FLNB: variants seen among roughly 807,000 people sequenced by gnomAD.
FLNB encodes filamin-B.
A neutral mutation model predicts 250.6 loss-of-function variants in FLNB; 111 were observed. The observed-to-expected ratio is 0.44, with a 90% CI of 0.38 to 0.52. The LOEUF (loss-of-function observed/expected upper bound fraction) is 0.52. Among genes scored for constraint, FLNB ranks in the 20% least tolerant of loss-of-function variants. The pLI is 0.00. For missense variants in FLNB, 2,869 were observed against 3,447.8 expected, an observed-to-expected ratio of 0.83 and a Z score of 4.20; for synonymous variants, 1,302 against 1,372.1, an observed-to-expected ratio of 0.95 and a Z score of 1.13.
intron 1 of FLNB, among the ~76,000 whole-genome samples, chr3:58,031,543 C>CTTTTTT (rs764190111): frequency 6.5e-5 from 5 of 77,150 alleles, no homozygotes; most frequent in African/African-American, 2.3e-4. Context: ...CGTGCCCTGC[C>CTTTTTT]TTTTTTTTTT....
chr3:58,109,658 A>G lies in FLNB; in HGVS notation c.2282A>G (p.Glu761Gly). 6.2e-7 allele frequency: 1 copy of G among 1,614,136 alleles called. No individual in the cohort carries two copies. The highest frequency in any genetic ancestry group is 1.3e-5 in the African/African-American group (1 of 75,038). The change falls in exon 15 of 46, where the codon GAA (glutamate) becomes GGA (glycine). Residue 761 changes from glutamate to glycine, a missense_variant. By Grantham distance (98) the Glu-to-Gly change is moderately conservative. Coordinates refer to ENST00000295956, the MANE Select transcript of FLNB (RefSeq NM_001457.4). ...GVERSGLKANEPTHFTVDCTE... is the reference protein window; with the variant it reads ...GVERSGLKANGPTHFTVDCTE... Reference sequence around the variant, plus strand: ...GAGAGAAGTGGTCTGAAGGCAAATGAACCTACACACTTCACGGTGGACTGT... The same window carrying G: ...GAGAGAAGTGGTCTGAAGGCAAATGGACCTACACACTTCACGGTGGACTGT...
At chr3:58,083,215 T>G (rs1047864347) in intron 4 of FLNB, among the ~76,000 whole-genome samples, 3 of 151,122 alleles carry the variant, frequency 2.0e-5, no homozygotes, top group Admixed American at 6.6e-5. Flanking sequence ...TTAGACTCTT[T>G]TCATGCTAAA....
chr3:58,125,308 T>C (rs989946419), intron 22 of FLNB, among the ~76,000 whole-genome samples: 1 of 152,110 alleles, frequency 6.6e-6, no homozygotes, highest in Non-Finnish European at 1.5e-5. Flanking sequence ...AATTTTTGTA[T>C]TTTTTGTAGA....
chr3:58,082,154 A>T (rs1158298484), intron 4 of FLNB, among the ~76,000 whole-genome samples: 1 of 152,076 alleles, frequency 6.6e-6, no homozygotes. Context: ...CTTCTGTTAC[A>T]CTAAGCCTGC....
chr3:58,136,317 GT>G, intron 28 of FLNB, 149 bp downstream of exon 28: 1 of 751,518 alleles, frequency 1.3e-6, no homozygotes, highest in Non-Finnish European at 2.3e-6. Context: ...GAAGCTCTTT[GT>G]TTTTATTTGG....
Position 58,126,628 on chromosome 3 carries a change from TA to T in FLNB, c.4090del (p.Thr1364LeufsTer10). On this transcript the variant is annotated frameshift_variant, in exon 24 of 46. Coordinates refer to ENST00000295956, the MANE Select transcript of FLNB (RefSeq NM_001457.4). LOFTEE classifies it high-confidence loss of function. ...TRGAGIGGLG[I>X]TVEGPSESKI... ...GGCGCAGGAATTGGTGGGCTTGGCA[TA>T]ACTGTTGAGGGACCATCAGAGTCGA... The T allele has an allele frequency of 6.2e-7, 1 of 1,614,138 alleles. No individual in the cohort carries two copies. Among genetic ancestry groups the T allele is most frequent in the East Asian group, 2.2e-5 (1 of 44,888 alleles).
Position 58,168,465 on chromosome 3 carries a change from C to T in FLNB, c.7224C>T (p.Asn2408=). The part of the protein sequence containing the change: ...TTGIQSEFFI[N]TTRAGPGTLS... ...GTATCCAGTCGGAATTCTTTATTAA[C>T]ACCACCCGAGCAGGTCCAGGGACAT... Residue 2408 remains asparagine (N), a synonymous_variant, in exon 44 of 46, where the codon AAC becomes AAT. Coordinates refer to ENST00000295956, the MANE Select transcript of FLNB (RefSeq NM_001457.4). 1 of 1,614,122 alleles carries T rather than the reference C, an allele frequency of 6.2e-7. No individual in the cohort carries two copies. Among genetic ancestry groups the T allele is most frequent in the Non-Finnish European group, 8.5e-7 (1 of 1,179,916 alleles).
At chr3:58,125,926 G>C (rs1211788415) in intron 23 of FLNB, among the ~76,000 whole-genome samples, 183 bp downstream of exon 23, 2 of 152,192 alleles carry the variant, frequency 1.3e-5, no homozygotes, top group East Asian at 3.8e-4. Context: ...CAAAGCACTT[G>C]ATAATGGTCA....
chr3:58,050,044 T>C (rs1207312058), intron 1 of FLNB, among the ~76,000 whole-genome samples: 2 of 151,780 alleles, frequency 1.3e-5, no homozygotes, highest in African/African-American at 2.4e-5. Flanking sequence ...TTTTTCTTTT[T>C]TTTTGAGACA....
At chr3:58,045,410 T>C (rs2097152281) in intron 1 of FLNB, among the ~76,000 whole-genome samples, 1 of 152,180 alleles carries the variant, frequency 6.6e-6, no homozygotes, top group Non-Finnish European at 1.5e-5. Flanking sequence ...CCAGGACAGC[T>C]CTGAATGCGC....
intron 1 of FLNB, among the ~76,000 whole-genome samples, chr3:58,039,906 A>G (rs557933270): frequency 1.7e-3 from 266 of 152,206 alleles, no homozygotes; most frequent in Middle Eastern, 3.4e-3. Flanking sequence ...GCACTTTGGG[A>G]AGCTGAGGTG....
rs764368324 is a variant in FLNB at position 58,094,913 on chromosome 3, G to A, written c.865G>A (p.Val289Met). ...CACCATCAGCGCCGGGCAAGGAGACGTGATGGTGTTTGTTGAGGACCCAGA... is the reference window on the plus strand; with the variant it reads ...CACCATCAGCGCCGGGCAAGGAGACATGATGGTGTTTGTTGAGGACCCAGA... ...VDTISAGQGD[V>M]MVFVEDPEGN... The change falls in exon 5 of 46, where the codon GTG becomes ATG. Residue 289 changes from valine (V) to methionine (M), a missense_variant. Transcript: ENST00000295956. 2.6e-5 allele frequency: 42 copies of A among 1,614,034 alleles called. No homozygotes were observed. In the East Asian group the frequency reaches 2.7e-4, roughly 10 times the overall value.
chr3:58,042,331 T>G (rs373764669), intron 1 of FLNB, among the ~76,000 whole-genome samples: 39 of 151,262 alleles, frequency 2.6e-4, no homozygotes, highest in African/African-American at 9.3e-4. Flanking sequence ...TTTTAGGAGC[T>G]TTAGTCTCTG....
rs889037325 is a variant in FLNB at position 58,094,739 on chromosome 3, G to T, written c.788-97G>T. 30 of 1,001,978 alleles carry T rather than the reference G, an allele frequency of 3.0e-5. 1 individual carries two copies. The highest frequency in any genetic ancestry group is 4.9e-4 in the Middle Eastern group (2 of 4,056). 62.1% of individuals were successfully genotyped at this position (1,001,978 alleles called of 1,614,324 possible). On this transcript the variant is annotated intron_variant, in intron 4 of 45. Transcript: ENST00000295956. ...TTCCCACATGGGATCTGCAGGGCTG[G>T]GTCCCATCTCTCAGTTCCCTGAAAG...
chr3:58,069,535 C>T (rs112218630), intron 1 of FLNB, among the ~76,000 whole-genome samples: 3,513 of 152,214 alleles, frequency 0.023, 154 homozygotes, highest in African/African-American at 0.08. Context: ...GCCACCATGC[C>T]CGGCCCATAG....
rs1326644324 is a variant in FLNB, at chr3:58,171,052, G to C, written c.*290G>C. ...ACCAGCCACTGCAGCAGACAGACCA[G>C]GAACACAATGAGACTGACATTTCAA... On this transcript the variant is annotated 3_prime_UTR_variant, in exon 46 of 46. Coordinates refer to ENST00000295956, the MANE Select transcript of FLNB (RefSeq NM_001457.4). The surrounding 1 kb of genome is among the most constrained non-coding windows in gnomAD (Gnocchi z 5.5). The C allele has an allele frequency of 2.5e-6, 1 of 401,524 alleles. No individual in the cohort carries two copies. Among genetic ancestry groups the C allele is most frequent in the East Asian group, 5.0e-5 (1 of 19,804 alleles). 24.9% of individuals were successfully genotyped at this position (401,524 alleles called of 1,614,324 possible).
chr3:58,090,555 A>G (rs914951985), intron 4 of FLNB, among the ~76,000 whole-genome samples: 2 of 152,188 alleles, frequency 1.3e-5, no homozygotes. Flanking sequence ...TACATGAGTA[A>G]TGCGATGCGT....
chr3:58,091,840 C>T (rs1186147219), intron 4 of FLNB, among the ~76,000 whole-genome samples: 1 of 152,122 alleles, frequency 6.6e-6, no homozygotes, highest in Non-Finnish European at 1.5e-5. Flanking sequence ...ACCCGGACAC[C>T]GTCTCAAACA....
chr3:58,158,327 T>C (rs1172134588), intron 41 of FLNB, among the ~76,000 whole-genome samples: 1 of 152,174 alleles, frequency 6.6e-6, no homozygotes, highest in Non-Finnish European at 1.5e-5. Flanking sequence ...GAGCTGGATG[T>C]TTAGTTTTAT....
Sources: allele counts gnomAD v4.1 joint callset (sites outside exome capture counted in the v4.1 genomes callset), GRCh38; gene constraint gnomAD v4.1.1; non-coding constraint Gnocchi (gnomAD v3.1); transcripts MANE v1.5; gene names NCBI Gene and HGNC (gene_info 2026-07-23, HGNC 2026-07-21).